FTO: variants seen among roughly 807,000 people sequenced by gnomAD.
FTO encodes the protein alpha-ketoglutarate-dependent dioxygenase FTO.
FTO carries 47 observed loss-of-function variants against 63.9 expected under a neutral mutation model. The observed-to-expected ratio is 0.74, with a 90% CI of 0.58 to 0.94. The LOEUF (loss-of-function observed/expected upper bound fraction) is 0.94. FTO is among the 40% of genes least tolerant of loss of function. The pLI, the probability that FTO is intolerant of heterozygous loss-of-function variation, is 0.00. For synonymous variants in FTO, 207 were observed against 224.4 expected, an observed-to-expected ratio of 0.92 and a Z score of 0.69; for missense variants, 562 against 618.1, an observed-to-expected ratio of 0.91 and a Z score of 0.96.
At chr16:53,858,844 A>G (rs2080086865) in intron 4 of FTO, among the ~76,000 whole-genome samples, 1 of 151,982 alleles carries the variant, frequency 6.6e-6, no homozygotes. Flanking sequence ...TATTTTTACT[A>G]GAGACGGGGT....
At chr16:53,777,335 C>T (rs1011572368) in intron 1 of FTO, among the ~76,000 whole-genome samples, 3 of 152,108 alleles carry the variant, frequency 2.0e-5, no homozygotes, top group African/African-American at 7.2e-5. Flanking sequence ...GCATAATGCC[C>T]TCTAGATTCA....
intron 1 of FTO, among the ~76,000 whole-genome samples, chr16:53,784,796 G>T (rs3751813): frequency 0.54 from 82,173 of 151,928 alleles, 22,526 homozygotes; most frequent in Middle Eastern, 0.64. Context: ...ATATTTGGAG[G>T]TAGAATTCAG....
At chr16:53,770,289 A>G in intron 1 of FTO, among the ~76,000 whole-genome samples, 1 of 152,170 alleles carries the variant, frequency 6.6e-6, no homozygotes, top group East Asian at 1.9e-4. Flanking sequence ...TATATTTGAA[A>G]AGATTTTGTA....
At chr16:54,096,934 C>T (rs1322531151) in intron 8 of FTO, among the ~76,000 whole-genome samples, 1 of 152,156 alleles carries the variant, frequency 6.6e-6, no homozygotes, top group Non-Finnish European at 1.5e-5. Context: ...GTCACTGCTT[C>T]AAGTGGTGTC....
chr16:53,708,533 A>C (rs1211544107), intron 1 of FTO, among the ~76,000 whole-genome samples: 2 of 152,200 alleles, frequency 1.3e-5, no homozygotes, highest in African/African-American at 4.8e-5. Flanking sequence ...TCTTTGGTAG[A>C]TACTTAGGAG....
intron 8 of FTO, among the ~76,000 whole-genome samples, chr16:53,978,054 G>A (rs1179817681): frequency 6.6e-6 from 1 of 151,988 alleles, no homozygotes; most frequent in Non-Finnish European, 1.5e-5. Context: ...GTAGAGATAG[G>A]GGTCTCACTG....
chr16:53,704,072 G>T, upstream of FTO: 1 of 1,128,236 alleles, frequency 8.9e-7, no homozygotes, highest in South Asian at 1.3e-5. Flanking sequence ...TCTACTCAGA[G>T]GGAGAATAGC....
intron 7 of FTO, among the ~76,000 whole-genome samples, chr16:53,927,666 T>C (rs2082180022): frequency 1.3e-5 from 2 of 152,108 alleles, no homozygotes; most frequent in South Asian, 2.1e-4. Context: ...AGGAAAGGCA[T>C]ACAGGAGACT....
At chr16:53,799,736 C>T (rs2078170385) in intron 1 of FTO, among the ~76,000 whole-genome samples, 1 of 152,194 alleles carries the variant, frequency 6.6e-6, no homozygotes, top group African/African-American at 2.4e-5. Flanking sequence ...GAAATGGCAG[C>T]GTTCCTGGTA....
chr16:54,075,730 CAT>C (rs539670541), intron 8 of FTO, among the ~76,000 whole-genome samples: 184 of 152,274 alleles, frequency 1.2e-3, no homozygotes, highest in Middle Eastern at 6.8e-3. Flanking sequence ...TACATGGACT[CAT>C]GTGTCTTTTT....
At chr16:53,779,793 T>TTGTAAATGCCTGCTGTG (rs1467933487) in intron 1 of FTO, among the ~76,000 whole-genome samples, 1 of 152,216 alleles carries the variant, frequency 6.6e-6, no homozygotes, top group Non-Finnish European at 1.5e-5. Flanking sequence ...TAGCTAGCGC[T>TTGTAAATGCCTGCTGTG]TGTAAATGCC....
At chr16:53,867,870 G>A (rs1011709438) in intron 4 of FTO, among the ~76,000 whole-genome samples, 5 of 152,054 alleles carry the variant, frequency 3.3e-5, no homozygotes, top group Non-Finnish European at 7.4e-5. Flanking sequence ...TATACATTTT[G>A]ATGCTCTACT....
At chr16:54,082,199 G>A (rs1425284021) in intron 8 of FTO, among the ~76,000 whole-genome samples, 3 of 152,088 alleles carry the variant, frequency 2.0e-5, no homozygotes, top group Non-Finnish European at 4.4e-5. Flanking sequence ...AAATGAGGGT[G>A]GTGTCACTCT....
intron 1 of FTO, among the ~76,000 whole-genome samples, chr16:53,775,679 T>G (rs1304438477): frequency 2.6e-5 from 4 of 152,160 alleles, no homozygotes; most frequent in South Asian, 2.1e-4. Flanking sequence ...ATTTTCCCCC[T>G]GCTGGAACTG....
At chr16:53,869,049 C>T (rs2080412848) in intron 4 of FTO, among the ~76,000 whole-genome samples, 1 of 152,104 alleles carries the variant, frequency 6.6e-6, no homozygotes, top group Non-Finnish European at 1.5e-5. Flanking sequence ...TCAGGCTGGT[C>T]TTGAACTACT....
rs1284248706 is a variant in FTO, at chr16:53,879,890, C to A, written c.1022C>A (p.Ala341Asp). 1 of 1,613,742 alleles carries A rather than the reference C, an allele frequency of 6.2e-7. No homozygotes were observed. Among genetic ancestry groups the A allele is most frequent in the East Asian group, 2.2e-5 (1 of 44,864 alleles). ...TATATTTTACAACGCTGTCAGTTGG[C>A]TCTGCAGAATGTCTGTGACGATGTG... The part of the protein sequence containing the change: ...LDYILQRCQL[A>D]LQNVCDDVDN... Residue 341 changes from alanine to aspartate, a missense_variant, in exon 6 of 9, where the codon GCT becomes GAT. Transcript: ENST00000471389.
chr16:53,783,523 G>A (rs2077642823), intron 1 of FTO, among the ~76,000 whole-genome samples: 1 of 145,140 alleles, frequency 6.9e-6, no homozygotes, highest in Non-Finnish European at 1.5e-5. Flanking sequence ...CAAGAGAATG[G>A]CGTGAACCCG....
intron 8 of FTO, among the ~76,000 whole-genome samples, chr16:53,943,985 A>G (rs2082599144): frequency 6.6e-6 from 1 of 152,180 alleles, no homozygotes; most frequent in African/African-American, 2.4e-5. Context: ...GCCACATTAT[A>G]TTGACAAATC....
intron 8 of FTO, among the ~76,000 whole-genome samples, chr16:54,004,845 C>T (rs552367910): frequency 4.6e-5 from 7 of 151,740 alleles, no homozygotes; most frequent in African/African-American, 9.7e-5. Flanking sequence ...CTGAGGCGAG[C>T]GGATCATGAG....
Sources: gnomAD v4.1 joint callset for allele counts (sites outside exome capture counted in the v4.1 genomes callset) on GRCh38, gnomAD v4.1.1 for gene constraint, MANE v1.5 for transcripts, NCBI Gene and HGNC (gene_info 2026-07-23, HGNC 2026-07-21) for gene names.